ELF2: variants seen among roughly 807,000 people sequenced by gnomAD.
The protein encoded by ELF2 is E74 like ETS transcription factor 2, also known as ETS-related transcription factor Elf-2.
Under a neutral mutation model 54.8 loss-of-function variants are expected in ELF2, and 11 were observed. That is an observed-to-expected ratio of 0.20 (90% CI 0.13 to 0.33). ELF2 has a LOEUF of 0.33. ELF2 is among the 10% of genes least tolerant of loss of function. The probability of loss-of-function intolerance (pLI) is 1.00; values close to 1 mark genes in which losing one functional copy is unlikely to be tolerated. For synonymous variants in ELF2, 203 were observed against 245.1 expected, an observed-to-expected ratio of 0.83 and a Z score of 1.61; for missense variants, 513 against 703.0, an observed-to-expected ratio of 0.73 and a Z score of 3.06.
Position 139,058,975 on chromosome 4 carries a change from C to T in ELF2, c.*8G>A, listed in dbSNP as rs1203716003. 3.1e-6 allele frequency: 5 copies of T among 1,593,780 alleles called. No individual in the cohort carries two copies. In the East Asian group the frequency reaches 1.1e-4, roughly 36 times the overall value. On this transcript the variant is annotated 3_prime_UTR_variant, in exon 10 of 10. Coordinates refer to ENST00000686138, the MANE Select transcript of ELF2 (RefSeq NM_001331036.3). ...TAACAGCCTGAAGTCCATGGTGGAGCTGCTATTTTATTTCTCACATGTCAC... is the reference window on the plus strand; with the variant it reads ...TAACAGCCTGAAGTCCATGGTGGAGTTGCTATTTTATTTCTCACATGTCAC...
intron 4 of ELF2, among the ~76,000 whole-genome samples, chr4:139,087,886 A>AT (rs1732160271): frequency 1.3e-5 from 2 of 152,214 alleles, no homozygotes; most frequent in African/African-American, 4.8e-5. Flanking sequence ...TGAGTTGTTT[A>AT]TTATCATCAA....
chr4:139,121,140 G>A (rs1217454381), intron 4 of ELF2, among the ~76,000 whole-genome samples: 2 of 101,618 alleles, frequency 2.0e-5, no homozygotes, highest in Admixed American at 1.7e-4. Flanking sequence ...ACGGAGTCTT[G>A]CTCTGTCGCC....
At chr4:139,146,794 A>T (rs1739264231) in intron 1 of ELF2, among the ~76,000 whole-genome samples, 1 of 152,180 alleles carries the variant, frequency 6.6e-6, no homozygotes, top group Non-Finnish European at 1.5e-5. Context: ...TTTATTTAAT[A>T]AATGGTGCTG....
rs191696370 is a variant in ELF2, at chr4:139,104,352, A to G, written c.238+20812T>C. 3.5e-4 allele frequency among the ~76,000 whole-genome samples: 53 copies of G among 152,126 alleles called. No homozygotes were observed. In the East Asian group the frequency reaches 9.5e-3, roughly 27 times the overall value. Reference sequence around the variant, plus strand: ...TGGTGAAACCCTGTCTCTATTAAAAACACAAAAATTAGCCAGGCGTGGTGG... The same window carrying G: ...TGGTGAAACCCTGTCTCTATTAAAAGCACAAAAATTAGCCAGGCGTGGTGG... On this transcript the variant is annotated intron_variant, in intron 4 of 9. Coordinates refer to ENST00000686138, the MANE Select transcript of ELF2 (RefSeq NM_001331036.3).
chr4:139,087,200 A>C (rs1732069474), intron 4 of ELF2, among the ~76,000 whole-genome samples: 1 of 152,212 alleles, frequency 6.6e-6, no homozygotes. Context: ...TTTATACTAG[A>C]CAAACCATTC....
In ELF2 at chr4:139,073,521, T is replaced by C; in HGVS notation, c.285A>G (p.Thr95=). 6.2e-7 allele frequency: 1 copy of C among 1,610,138 alleles called. No individual in the cohort carries two copies. The highest frequency in any genetic ancestry group is 8.5e-7 in the Non-Finnish European group (1 of 1,177,316). Residue 95 remains threonine (T), a synonymous_variant, in exon 5 of 10, where the codon ACA becomes ACG. Coordinates refer to ENST00000686138, the MANE Select transcript of ELF2 (RefSeq NM_001331036.3). ...HSSNAHCTDK[T]IEAAEALLHM... ...GAAGCAGGGCTTCAGCAGCTTCAAT[T>C]GTCTTATCTGTACAGTGTGCATTAC...
intron 3 of ELF2, among the ~76,000 whole-genome samples, chr4:139,128,837 C>T (rs1034377424): frequency 2.1e-4 from 32 of 151,750 alleles, no homozygotes; most frequent in African/African-American, 6.8e-4. Flanking sequence ...ATGTTAATAA[C>T]GACCAAATTC....
intron 4 of ELF2, among the ~76,000 whole-genome samples, chr4:139,083,632 G>A (rs1257766958): frequency 1.3e-5 from 2 of 152,202 alleles, no homozygotes; most frequent in Admixed American, 6.5e-5. Flanking sequence ...AATTGTGGAC[G>A]AAGTCTGAAG....
At chr4:139,136,127 T>C (rs1402585811) in intron 3 of ELF2, among the ~76,000 whole-genome samples, 1 of 152,132 alleles carries the variant, frequency 6.6e-6, no homozygotes, top group Non-Finnish European at 1.5e-5. Flanking sequence ...TAGGAGGGGA[T>C]GGCAGTTCCC....
At chr4:139,142,936 T>C (rs913296007) in intron 1 of ELF2, among the ~76,000 whole-genome samples, 1 of 151,438 alleles carries the variant, frequency 6.6e-6, no homozygotes, top group Non-Finnish European at 1.5e-5. Flanking sequence ...GCAAGCAAAA[T>C]TGATGTGGAT....
chr4:139,141,793 C>T (rs1425546291), intron 1 of ELF2, among the ~76,000 whole-genome samples: 2 of 152,120 alleles, frequency 1.3e-5, no homozygotes, highest in African/African-American at 4.8e-5. Context: ...ATCCCTAGTC[C>T]TTTTCTCTTC....
intron 1 of ELF2, among the ~76,000 whole-genome samples, chr4:139,154,214 T>C (rs1161991149): frequency 1.3e-5 from 2 of 152,216 alleles, no homozygotes; most frequent in Non-Finnish European, 2.9e-5. Flanking sequence ...AGGTGCTCAA[T>C]AAATATTTTT....
intron 4 of ELF2, among the ~76,000 whole-genome samples, chr4:139,113,342 A>G (rs1480305846): frequency 6.6e-6 from 1 of 151,938 alleles, no homozygotes; most frequent in Non-Finnish European, 1.5e-5. Context: ...TGGGTGACAA[A>G]GAGAGACCCT....
chr4:139,150,487 C>T (rs1459173927), intron 1 of ELF2, among the ~76,000 whole-genome samples: 1 of 149,416 alleles, frequency 6.7e-6, no homozygotes, highest in Non-Finnish European at 1.5e-5. Context: ...CCAGTGTAGT[C>T]CTCCCTGGGT....
chr4:139,119,138 C>T (rs1420636790), intron 4 of ELF2, among the ~76,000 whole-genome samples: 1 of 152,172 alleles, frequency 6.6e-6, no homozygotes, highest in Non-Finnish European at 1.5e-5. Context: ...AGGTTAATTC[C>T]TTAATTCTAT....
chr4:139,080,382 A>G (rs1730934763), intron 4 of ELF2, among the ~76,000 whole-genome samples: 1 of 152,124 alleles, frequency 6.6e-6, no homozygotes, highest in Non-Finnish European at 1.5e-5. Context: ...TCATACTGCT[A>G]ATTTTTTTTC....
intron 7 of ELF2, among the ~76,000 whole-genome samples, chr4:139,064,022 C>A (rs574800058): frequency 4.7e-4 from 72 of 152,180 alleles, no homozygotes; most frequent in Non-Finnish European, 9.0e-4. Flanking sequence ...AATAGAAGAA[C>A]AGAAGGCTGG....
chr4:139,127,871 ATG>A lies in ELF2; in HGVS notation c.73-2544_73-2543del, dbSNP rs573664489. On this transcript the variant is annotated intron_variant, in intron 3 of 9. Transcript: ENST00000686138. ...TCCCAGCTACTTGGGAGGCTGAGGC[ATG>A]AGAATTGCTTGAACCCGGGAGGCAA... is the stretch of plus-strand genomic sequence containing the variant. Among the ~76,000 whole-genome samples, 895 of 151,946 alleles carry A rather than the reference ATG, an allele frequency of 5.9e-3. 11 individuals carry two copies. Among genetic ancestry groups the A allele is most frequent in the African/African-American group, 0.02 (844 of 41,406 alleles).
chr4:139,135,279 G>GTGTATA (rs373283677), intron 3 of ELF2, among the ~76,000 whole-genome samples: 19 of 136,576 alleles, frequency 1.4e-4, no homozygotes, highest in East Asian at 1.1e-3. Context: ...GTGTGTGTGT[G>GTGTATA]TATATATGAA....
Sources: gnomAD v4.1 joint callset for allele counts (sites outside exome capture counted in the v4.1 genomes callset) on GRCh38, gnomAD v4.1.1 for gene constraint, MANE v1.5 for transcripts, NCBI Gene and HGNC (gene_info 2026-07-23, HGNC 2026-07-21) for gene names.